The following HMGA2 variants were observed in gnomAD, a reference collection of about 807,000 sequenced individuals.
HMGA2 encodes the protein high mobility group protein HMGI-C.
HMGA2 carries 8 observed loss-of-function variants against 19.1 expected under a neutral mutation model. The ratio of observed to expected loss-of-function variants is 0.42; its 90% CI spans 0.25 to 0.76. HMGA2 has a LOEUF of 0.76. Ranked by LOEUF, HMGA2 falls within the 30% of genes least tolerant of loss-of-function variation. The pLI is 0.28. For synonymous variants in HMGA2, 60 were observed against 48.8 expected (o/e 1.23, Z -0.96); for missense variants, 109 against 136.3 (o/e 0.80, Z 1.00).
chr12:65,852,171 T>C (rs1276820513), intron 3 of HMGA2, among the ~76,000 whole-genome samples: 1 of 150,704 alleles, frequency 6.6e-6, no homozygotes, highest in Non-Finnish European at 1.5e-5. Flanking sequence ...CTTGCAATCA[T>C]AAGGTAACAG....
chr12:65,865,709 A>G lies in HMGA2; in HGVS notation c.249+27140A>G, dbSNP rs998862457. ...GAGTGCAGTGGCTCAATCTCGGCTC[A>G]CTGCAAACTCCGTCTCCCAGGTTCA... On this transcript the variant is annotated intron_variant, in intron 3 of 4. Transcript: ENST00000403681. 1.8e-4 allele frequency among the ~76,000 whole-genome samples: 26 copies of G among 142,840 alleles called. 1 individual carries two copies. The highest frequency in any genetic ancestry group is 6.6e-4 in the African/African-American group (25 of 37,904). 93.7% of individuals were successfully genotyped at this position (142,840 alleles called of 152,430 possible).
At chr12:65,905,248 G>A (rs1201874837) in intron 3 of HMGA2, among the ~76,000 whole-genome samples, 1 of 151,822 alleles carries the variant, frequency 6.6e-6, no homozygotes, top group Non-Finnish European at 1.5e-5. Flanking sequence ...GCATTTTTCT[G>A]TATAATTAAC....
At chr12:65,927,790 T>C (rs1875558748) in intron 3 of HMGA2, among the ~76,000 whole-genome samples, 1 of 151,424 alleles carries the variant, frequency 6.6e-6, no homozygotes, top group African/African-American at 2.4e-5. Context: ...TAAAGGCTTA[T>C]TGGTCTGTCT....
At chr12:65,919,307 G>C (rs775117684) in intron 3 of HMGA2, among the ~76,000 whole-genome samples, 4 of 152,132 alleles carry the variant, frequency 2.6e-5, no homozygotes, top group Non-Finnish European at 5.9e-5. Context: ...TATCACTAAT[G>C]AAAATACAGC....
rs1187856464 is a variant in HMGA2, at chr12:65,885,909, A to G, written c.249+47340A>G. Among the ~76,000 whole-genome samples, 3 of 152,320 alleles carry G rather than the reference A, an allele frequency of 2.0e-5. No homozygotes were observed. In the East Asian group the frequency reaches 5.8e-4, roughly 29 times the overall value. ...CTCAGTTAAATGGGGAGGAACCCTTAGTTCCGGGAACTGCCCACCCCTTTC... is the reference window on the plus strand; with the variant it reads ...CTCAGTTAAATGGGGAGGAACCCTTGGTTCCGGGAACTGCCCACCCCTTTC... On this transcript the variant is annotated intron_variant, in intron 3 of 4. Transcript: ENST00000403681.
chr12:65,960,665 C>T (rs1028528225), intron 4 of HMGA2, among the ~76,000 whole-genome samples: 1 of 152,232 alleles, frequency 6.6e-6, no homozygotes, highest in Admixed American at 6.5e-5. Context: ...CATGTGAGAG[C>T]CACATTGCCT....
chr12:65,828,812 A>G (rs1399321401), intron 2 of HMGA2: 1 of 152,816 alleles, frequency 6.5e-6, no homozygotes. Context: ...AACCCAGTTA[A>G]GTGTAATATT....
At chr12:65,842,235 A>T in intron 3 of HMGA2, 1 of 602,904 alleles carries the variant, frequency 1.7e-6, no homozygotes, top group Non-Finnish European at 2.8e-6. Context: ...TTAAAGGTCC[A>T]GTTTCCTCAT....
At chr12:65,898,451 G>A (rs114040829) in intron 3 of HMGA2, among the ~76,000 whole-genome samples, 283 of 152,242 alleles carry the variant, frequency 1.9e-3, no homozygotes, top group African/African-American at 6.6e-3. Context: ...AGTGGCTAGT[G>A]TTTCCCACAG....
intron 3 of HMGA2, among the ~76,000 whole-genome samples, chr12:65,932,280 A>C (rs1440004662): frequency 6.6e-6 from 1 of 152,240 alleles, no homozygotes; most frequent in Non-Finnish European, 1.5e-5. Flanking sequence ...TGTATATGCA[A>C]ATTCAGCCAA....
chr12:65,936,999 T>C (rs1174944120), intron 3 of HMGA2, among the ~76,000 whole-genome samples: 4 of 151,934 alleles, frequency 2.6e-5, no homozygotes, highest in Admixed American at 6.6e-5. Flanking sequence ...AGTGAGTTAT[T>C]TGGAGGAGAA....
At chr12:65,927,874 A>G (rs1294547576) in intron 3 of HMGA2, among the ~76,000 whole-genome samples, 2 of 148,130 alleles carry the variant, frequency 1.4e-5, no homozygotes, top group African/African-American at 2.5e-5. Context: ...TTATATATGT[A>G]TGTATATATA....
intron 3 of HMGA2, among the ~76,000 whole-genome samples, chr12:65,876,017 T>G (rs1273541404): frequency 6.6e-6 from 1 of 152,136 alleles, no homozygotes; most frequent in Non-Finnish European, 1.5e-5. Context: ...TGGTCACCAT[T>G]ATCATGGGGA....
chr12:65,840,049 A>G (rs1300093993), intron 3 of HMGA2, among the ~76,000 whole-genome samples: 1 of 152,174 alleles, frequency 6.6e-6, no homozygotes, highest in Non-Finnish European at 1.5e-5. Flanking sequence ...TTTTTTCCCC[A>G]TAAAGGAACA....
chr12:65,934,206 G>C (rs537374453), intron 3 of HMGA2, among the ~76,000 whole-genome samples: 1 of 152,282 alleles, frequency 6.6e-6, no homozygotes, highest in East Asian at 1.9e-4. Context: ...TATAATTGGA[G>C]TAATTGTGAA....
chr12:65,913,893 G>C (rs1038684775), intron 3 of HMGA2, among the ~76,000 whole-genome samples: 2 of 152,152 alleles, frequency 1.3e-5, no homozygotes, highest in South Asian at 2.1e-4. Context: ...CTCTACATCA[G>C]TTCACTATTT....
intron 2 of HMGA2, among the ~76,000 whole-genome samples, chr12:65,838,163 A>T (rs1435173671): frequency 6.6e-6 from 1 of 152,148 alleles, no homozygotes; most frequent in African/African-American, 2.4e-5. Context: ...TAAAATACTA[A>T]CTTATGTAGT....
At chr12:65,835,713 CCT>C (rs1490178378) in intron 2 of HMGA2, among the ~76,000 whole-genome samples, 1 of 152,042 alleles carries the variant, frequency 6.6e-6, no homozygotes, top group Non-Finnish European at 1.5e-5. Context: ...AGAAAAAAAA[CCT>C]CTCTCTTCAA....
intron 4 of HMGA2, among the ~76,000 whole-genome samples, chr12:65,961,855 G>T (rs1876761929): frequency 6.6e-6 from 1 of 151,936 alleles, no homozygotes; most frequent in Non-Finnish European, 1.5e-5. Flanking sequence ...CATCACACAT[G>T]GTAGCATTTA....
Sources: allele counts gnomAD v4.1 joint callset (sites outside exome capture counted in the v4.1 genomes callset), GRCh38; gene constraint gnomAD v4.1.1; transcripts MANE v1.5; gene names NCBI Gene and HGNC (gene_info 2026-07-23, HGNC 2026-07-21).